The following BAZ2B variants were observed in gnomAD, a reference collection of about 807,000 sequenced individuals.
BAZ2B encodes bromodomain adjacent to zinc finger domain protein 2B.
A neutral mutation model predicts 246.0 loss-of-function variants in BAZ2B; 91 were observed. That is an observed-to-expected ratio of 0.37 (90% CI 0.31 to 0.44). The LOEUF is 0.44. Among genes scored for constraint, BAZ2B ranks in the 20% least tolerant of loss-of-function variants. BAZ2B has a pLI of 1.00. For synonymous variants in BAZ2B, 855 were observed against 860.0 expected, an observed-to-expected ratio of 0.99 and a Z score of 0.10; for missense variants, 2,332 against 2,533.7, an observed-to-expected ratio of 0.92 and a Z score of 1.71.
intron 3 of BAZ2B, chr2:159,464,290 G>A (rs1046903212): frequency 6.6e-6 from 1 of 152,124 alleles, no homozygotes; most frequent in African/African-American, 2.4e-5. Context: ...CCCTAGTTTT[G>A]TACAGTCGTG....
rs570507395 is a variant in BAZ2B at position 159,470,152 on chromosome 2, C to G, written c.145+8423G>C. On this transcript the variant is annotated intron_variant, in intron 3 of 36. Transcript: ENST00000392783. ...TTGGCTTAACTATAAAAAAATTAAT[C>G]AATGTAATTTGCCAAAATAGCAAGT... Among the ~76,000 whole-genome samples the G allele has an allele frequency of 3.9e-5, 6 of 152,242 alleles. No individual in the cohort carries two copies. The East Asian group carries it at 9.6e-4, about 24-fold the overall frequency.
chr2:159,445,940 C>T (rs1431216607), intron 6 of BAZ2B, among the ~76,000 whole-genome samples: 1 of 152,110 alleles, frequency 6.6e-6, no homozygotes, highest in African/African-American at 2.4e-5. Flanking sequence ...ATAGTGAGAT[C>T]CCATCTCTGC....
intron 36 of BAZ2B, 42 bp downstream of exon 36, chr2:159,324,769 G>C: frequency 7.5e-7 from 1 of 1,338,804 alleles, no homozygotes; most frequent in Non-Finnish European, 9.9e-7. Flanking sequence ...GCATATATCA[G>C]GTATTCAATA....
chr2:159,462,657 CG>C, intron 3 of BAZ2B: 2 of 1,060,996 alleles, frequency 1.9e-6, no homozygotes, highest in Non-Finnish European at 3.0e-6. Context: ...CTGCCATCTT[CG>C]TAATAGTGAA....
intron 1 of BAZ2B, among the ~76,000 whole-genome samples, chr2:159,561,039 G>C (rs1304911601): frequency 5.9e-5 from 9 of 152,096 alleles, no homozygotes; most frequent in Non-Finnish European, 1.2e-4. Context: ...ACAATGATGG[G>C]AATGTTCAGT....
intron 6 of BAZ2B, among the ~76,000 whole-genome samples, chr2:159,441,964 T>C (rs2073484077): frequency 6.6e-6 from 1 of 152,212 alleles, no homozygotes; most frequent in African/African-American, 2.4e-5. Context: ...TATTCAAGGC[T>C]ATGATGTACC....
the BAZ2B span, among the ~76,000 whole-genome samples, chr2:159,630,695 G>A: frequency 9.2e-5 from 14 of 151,932 alleles, no homozygotes; most frequent in Non-Finnish European, 1.6e-4. Flanking sequence ...TACCACGCCC[G>A]GCTAATTTTT....
At chr2:159,642,852 C>T in the BAZ2B span, among the ~76,000 whole-genome samples, 2 of 152,124 alleles carry the variant, frequency 1.3e-5, no homozygotes, top group African/African-American at 4.8e-5. Flanking sequence ...GTATGGATCA[C>T]GTTCCATCAT....
chr2:159,578,890 C>T (rs565090972), intron 1 of BAZ2B, among the ~76,000 whole-genome samples: 1 of 152,240 alleles, frequency 6.6e-6, no homozygotes, highest in South Asian at 2.1e-4. Flanking sequence ...AACAAAGACA[C>T]AACATACCAC....
At chr2:159,518,306 C>T (rs1435734158) in intron 2 of BAZ2B, among the ~76,000 whole-genome samples, 5 of 152,150 alleles carry the variant, frequency 3.3e-5, no homozygotes, top group African/African-American at 9.7e-5. Context: ...GGAACAAAAA[C>T]CAGTTGGAAA....
chr2:159,584,882 G>A (rs1235074199), intron 1 of BAZ2B, among the ~76,000 whole-genome samples: 8 of 152,116 alleles, frequency 5.3e-5, no homozygotes, highest in Admixed American at 5.2e-4. Flanking sequence ...ATTTAAAAGT[G>A]TATAGCACCT....
At chr2:159,324,785 T>TTACTTTCACCTAAA in intron 36 of BAZ2B, 26 bp downstream of exon 36, 1 of 1,429,354 alleles carries the variant, frequency 7.0e-7, no homozygotes, top group Non-Finnish European at 9.2e-7. Flanking sequence ...CAATAAATAT[T>TTACTTTCACCTAAA]TAGTGAACTG....
At chr2:159,685,308 T>C in the BAZ2B span, among the ~76,000 whole-genome samples, 1 of 152,312 alleles carries the variant, frequency 6.6e-6, no homozygotes, top group South Asian at 2.1e-4. Context: ...GAAGTATCTA[T>C]AAATAAGTTA....
intron 2 of BAZ2B, among the ~76,000 whole-genome samples, chr2:159,524,777 G>C (rs980415632): frequency 2.0e-5 from 3 of 152,018 alleles, no homozygotes; most frequent in African/African-American, 7.2e-5. Flanking sequence ...TCCAATCGGC[G>C]AAGTTAGAAG....
chr2:159,340,768 C>T (rs1251063710), intron 31 of BAZ2B, among the ~76,000 whole-genome samples: 1 of 152,010 alleles, frequency 6.6e-6, no homozygotes, highest in African/African-American at 2.4e-5. Flanking sequence ...TCAAGGACTC[C>T]TATATCTGAA....
Position 159,431,097 on chromosome 2 carries a change from TATC to T in BAZ2B, c.1957_1959del (p.Asp653del), listed in dbSNP as rs755440509. 3 of 1,613,642 alleles carry T rather than the reference TATC, an allele frequency of 1.9e-6. No individual in the cohort carries two copies. The highest frequency in any genetic ancestry group is 2.2e-5 in the East Asian group (1 of 44,874). ...TCACTATCTGATTCATCTTGGTCTT[TATC>T]ATCATCATCTTCTTCTTCTGATCCT... On this transcript the variant is annotated inframe_deletion, in exon 10 of 37. Coordinates refer to ENST00000392783, the MANE Select transcript of BAZ2B (RefSeq NM_013450.4).
At position 159,346,198 on chromosome 2, in the gene BAZ2B, G is replaced by A. The variant is rs16843903; in HGVS notation, c.5454+1288C>T. On this transcript the variant is annotated intron_variant, in intron 31 of 36. Transcript: ENST00000392783. ...TTTGCTTCCCAACGTTGGTAATTAC[G>A]TTTGTCACAAGAAAGGGATATTTTA... 7.7e-3 allele frequency among the ~76,000 whole-genome samples: 1,174 copies of A among 152,100 alleles called. 8 individuals carry two copies. The highest frequency in any genetic ancestry group is 0.027 in the African/African-American group (1,106 of 41,474).
chr2:159,414,765 C>T (rs1317653301), intron 13 of BAZ2B, among the ~76,000 whole-genome samples: 4 of 149,848 alleles, frequency 2.7e-5, no homozygotes, highest in Non-Finnish European at 5.9e-5. Flanking sequence ...TGCAGTGAGC[C>T]GAGATGGAAC....
chr2:159,481,127 T>C (rs991419129), intron 2 of BAZ2B, among the ~76,000 whole-genome samples: 1 of 152,210 alleles, frequency 6.6e-6, no homozygotes, highest in East Asian at 1.9e-4. Flanking sequence ...AGAATGAAGA[T>C]TGTCTTATGC....
Sources: allele counts gnomAD v4.1 joint callset (sites outside exome capture counted in the v4.1 genomes callset), GRCh38; gene constraint gnomAD v4.1.1; transcripts MANE v1.5; gene names NCBI Gene and HGNC (gene_info 2026-07-23, HGNC 2026-07-21).